RYR3: variants seen among roughly 807,000 people sequenced by gnomAD.
RYR3 encodes ryanodine receptor 3.
RYR3 carries 207 observed loss-of-function variants against 584.3 expected under a neutral mutation model. That is an observed-to-expected ratio of 0.35 (90% CI 0.32 to 0.40). The LOEUF (loss-of-function observed/expected upper bound fraction) is 0.40. Among genes scored for constraint, RYR3 ranks in the 10% least tolerant of loss-of-function variants. RYR3 has a pLI of 1.00. For missense variants in RYR3, 5,616 were observed against 6,089.2 expected (o/e 0.92, Z 2.59); for synonymous variants, 2,416 against 2,248.5 (o/e 1.07, Z -2.11).
At chr15:33,749,772 T>C (rs2278311) in intron 55 of RYR3, among the ~76,000 whole-genome samples, 26,902 of 152,134 alleles carry the variant, frequency 0.18, 2,432 homozygotes, top group South Asian at 0.26. Flanking sequence ...AGGACAGAGT[T>C]AGAAATTGTT....
At chr15:33,523,616 A>G (rs1350241278) in intron 3 of RYR3, among the ~76,000 whole-genome samples, 1 of 152,062 alleles carries the variant, frequency 6.6e-6, no homozygotes, top group Non-Finnish European at 1.5e-5. Flanking sequence ...TGGCCAGCTA[A>G]GGGAGTGATC....
At chr15:33,623,577 T>G (rs2060835189) in intron 19 of RYR3, among the ~76,000 whole-genome samples, 1 of 152,194 alleles carries the variant, frequency 6.6e-6, no homozygotes, top group Admixed American at 6.5e-5. Flanking sequence ...ATATAAATGT[T>G]TAGGAACTTA....
rs66742049 is a variant in RYR3 at position 33,460,940 on chromosome 15, C to CTTTTTTTTTTTTTTTTTTTT, written c.52-12476_52-12457dup. Among the ~76,000 whole-genome samples, 22 of 79,210 alleles carry CTTTTTTTTTTTTTTTTTTTT rather than the reference C, an allele frequency of 2.8e-4. 3 individuals are homozygous for CTTTTTTTTTTTTTTTTTTTT. Among genetic ancestry groups the CTTTTTTTTTTTTTTTTTTTT allele is most frequent in the South Asian group, 5.0e-4 (1 of 2,006 alleles). The allele number at this position is 79,210 out of a possible 152,430, so 52.0% of individuals were successfully genotyped here. A position where few individuals can be genotyped will look rare whatever the true frequency, so the allele number is the denominator to read the frequency against. The stretch of plus-strand genomic sequence containing the variant: ...GGAATTTGTGGCACATAATATCCAC[C>CTTTTTTTTTTTTTTTTTTTT]TTTTTTTTTTTTTTTTTTTTTTAAG... On this transcript the variant is annotated intron_variant, in intron 1 of 103. Coordinates refer to ENST00000634891, the MANE Select transcript of RYR3 (RefSeq NM_001036.6).
chr15:33,838,526 G>T lies in RYR3; in HGVS notation c.12546G>T (p.Lys4182Asn). 6.2e-7 allele frequency: 1 copy of T among 1,613,984 alleles called. No individual in the cohort carries two copies. Among genetic ancestry groups the T allele is most frequent in the African/African-American group, 1.3e-5 (1 of 75,028 alleles). Reference sequence around the variant, plus strand: ...AGATGACTGCGAAGGAGCTGGTGAAGGTGCTCTTCTCCTTTTTCTGGATGC... The same window carrying T: ...AGATGACTGCGAAGGAGCTGGTGAATGTGCTCTTCTCCTTTTTCTGGATGC... ...VKKMTAKELV[K>N]VLFSFFWMLF... The change falls in exon 89 of 104, where the codon AAG becomes AAT. Residue 4182 changes from lysine to asparagine, a missense_variant. By Grantham distance (94) the Lys-to-Asn change is moderately conservative. Coordinates refer to ENST00000634891, the MANE Select transcript of RYR3 (RefSeq NM_001036.6).
chr15:33,632,850 ATTT>A, intron 23 of RYR3, 96 bp from the exon 24 acceptor site: 1 of 1,017,276 alleles, frequency 9.8e-7, no homozygotes, highest in Non-Finnish European at 1.5e-6. Flanking sequence ...CTGTAGCCTT[ATTT>A]GCGTAGCGTT....
chr15:33,428,122 A>G (rs2044800165), intron 1 of RYR3, among the ~76,000 whole-genome samples: 1 of 152,202 alleles, frequency 6.6e-6, no homozygotes, highest in Non-Finnish European at 1.5e-5. Context: ...GGTTTGTGGT[A>G]GTAGAAGGCC....
intron 1 of RYR3, among the ~76,000 whole-genome samples, chr15:33,464,503 T>G (rs11856586): frequency 1.9e-5 from 2 of 105,934 alleles, no homozygotes; most frequent in Non-Finnish European, 4.1e-5. Flanking sequence ...CATATATATA[T>G]ACATACACAT....
intron 29 of RYR3, among the ~76,000 whole-genome samples, chr15:33,647,145 T>C (rs1175939287): frequency 6.6e-6 from 1 of 152,178 alleles, no homozygotes; most frequent in African/African-American, 2.4e-5. Flanking sequence ...TATTCAGAGG[T>C]ATCCCTACTT....
intron 3 of RYR3, among the ~76,000 whole-genome samples, chr15:33,520,758 A>G (rs1386166681): frequency 6.6e-6 from 1 of 151,918 alleles, no homozygotes; most frequent in Non-Finnish European, 1.5e-5. Context: ...TGTTCTCTCC[A>G]TGGCATCTGT....
chr15:33,425,859 G>A (rs886988105), intron 1 of RYR3, among the ~76,000 whole-genome samples: 4 of 152,080 alleles, frequency 2.6e-5, no homozygotes, highest in South Asian at 4.2e-4. Flanking sequence ...AGCCAGGATG[G>A]TCTCAATCTC....
At chr15:33,420,094 T>C (rs1200924429) in intron 1 of RYR3, among the ~76,000 whole-genome samples, 1 of 152,156 alleles carries the variant, frequency 6.6e-6, no homozygotes, top group Non-Finnish European at 1.5e-5. Context: ...TAATTATGAA[T>C]TTATCAGACA....
intron 1 of RYR3, among the ~76,000 whole-genome samples, chr15:33,413,422 A>T (rs961627500): frequency 7.9e-5 from 12 of 152,260 alleles, no homozygotes; most frequent in African/African-American, 2.7e-4. Flanking sequence ...TCATGTGACG[A>T]AAGGTGGGGA....
chr15:33,520,820 C>T (rs1334769051), intron 3 of RYR3, among the ~76,000 whole-genome samples: 3 of 152,180 alleles, frequency 2.0e-5, no homozygotes, highest in African/African-American at 4.8e-5. Flanking sequence ...AATTTGGAGG[C>T]ATACCAGTGA....
intron 51 of RYR3, among the ~76,000 whole-genome samples, chr15:33,740,208 G>C (rs1321470536): frequency 6.6e-6 from 1 of 152,092 alleles, no homozygotes; most frequent in Non-Finnish European, 1.5e-5. Context: ...GGGAGGAAAG[G>C]GTTGGTTTAT....
At chr15:33,701,893 G>T (rs913235200) in intron 42 of RYR3, among the ~76,000 whole-genome samples, 1 of 152,074 alleles carries the variant, frequency 6.6e-6, no homozygotes, top group African/African-American at 2.4e-5. Flanking sequence ...TAGGAGACTG[G>T]GTATGACTGA....
intron 92 of RYR3, 75 bp downstream of exon 92, chr15:33,843,649 A>G (rs1596970328): frequency 9.5e-7 from 1 of 1,054,684 alleles, no homozygotes. Context: ...AAGAATCATG[A>G]CAGAATTTGT....
chr15:33,441,017 C>T (rs2596237), intron 1 of RYR3, among the ~76,000 whole-genome samples: 30,261 of 152,060 alleles, frequency 0.2, 3,817 homozygotes, highest in African/African-American at 0.36. Context: ...TGTGTGACAG[C>T]AGTTTCTTAC....
At chr15:33,816,641 C>G (rs959039807) in intron 74 of RYR3, among the ~76,000 whole-genome samples, 14 of 152,148 alleles carry the variant, frequency 9.2e-5, no homozygotes, top group Non-Finnish European at 5.9e-5. Context: ...TCTTGCTAAC[C>G]ATTGTCATTT....
chr15:33,569,252 CT>C (rs1238742358), intron 12 of RYR3, among the ~76,000 whole-genome samples: 1 of 152,096 alleles, frequency 6.6e-6, no homozygotes, highest in Non-Finnish European at 1.5e-5. Context: ...ATTTGTATAA[CT>C]TTTTGTTGTA....
Sources: gnomAD v4.1 joint callset for allele counts (sites outside exome capture counted in the v4.1 genomes callset) on GRCh38, gnomAD v4.1.1 for gene constraint, MANE v1.5 for transcripts, NCBI Gene and HGNC (gene_info 2026-07-23, HGNC 2026-07-21) for gene names.